CALN1: variants seen among roughly 807,000 people sequenced by gnomAD.
CALN1 encodes the protein calcium-binding protein 8.
Under a neutral mutation model 30.6 loss-of-function variants are expected in CALN1, and 17 were observed. The observed-to-expected ratio is 0.56, with a 90% CI of 0.38 to 0.83. The LOEUF (loss-of-function observed/expected upper bound fraction) is 0.83. Ranked by LOEUF, CALN1 falls within the 40% of genes least tolerant of loss-of-function variation. The pLI is 0.00. For missense variants in CALN1, 291 were observed against 354.9 expected (o/e 0.82, Z 1.45); for synonymous variants, 156 against 131.4 (o/e 1.19, Z -1.28).
chr7:72,227,500 A>G (rs2129550347), intron 3 of CALN1, among the ~76,000 whole-genome samples: 1 of 151,638 alleles, frequency 6.6e-6, no homozygotes, highest in Non-Finnish European at 1.5e-5. Context: ...AGATGGCACC[A>G]CCGCACTCCA....
intron 5 of CALN1, among the ~76,000 whole-genome samples, chr7:71,870,274 T>C (rs1791844890): frequency 6.6e-6 from 1 of 151,794 alleles, no homozygotes; most frequent in Admixed American, 6.6e-5. Flanking sequence ...TCTCAGCTAC[T>C]AGGGAGGCTG....
At chr7:72,374,890 AC>A (rs568811539) in intron 2 of CALN1, among the ~76,000 whole-genome samples, 235 of 152,348 alleles carry the variant, frequency 1.5e-3, no homozygotes, top group Middle Eastern at 3.4e-3. Context: ...TTACCTGAAT[AC>A]TACTGGGATC....
At chr7:71,852,813 G>A (rs1303448669) in intron 5 of CALN1, among the ~76,000 whole-genome samples, 1 of 152,062 alleles carries the variant, frequency 6.6e-6, no homozygotes, top group East Asian at 1.9e-4. Context: ...GACAAATGAT[G>A]TTGTACGTCT....
chr7:71,980,750 G>A (rs1394983583), intron 5 of CALN1, among the ~76,000 whole-genome samples: 1 of 152,120 alleles, frequency 6.6e-6, no homozygotes, highest in Non-Finnish European at 1.5e-5. Context: ...ATGTAATGCA[G>A]AAAATTGCCC....
chr7:72,316,324 A>G (rs1216416919), intron 2 of CALN1, among the ~76,000 whole-genome samples: 1 of 151,658 alleles, frequency 6.6e-6, no homozygotes, highest in East Asian at 1.9e-4. Context: ...TGCAAAAGTA[A>G]TTACGGTTTT....
intron 3 of CALN1, among the ~76,000 whole-genome samples, chr7:72,142,070 G>C (rs551247766): frequency 6.6e-6 from 1 of 152,312 alleles, no homozygotes; most frequent in African/African-American, 2.4e-5. Context: ...GGTGATTTCT[G>C]CATTTCCAAC....
At chr7:71,819,816 CAT>C (rs1788491061) in intron 5 of CALN1, among the ~76,000 whole-genome samples, 1 of 152,126 alleles carries the variant, frequency 6.6e-6, no homozygotes, top group African/African-American at 2.4e-5. Flanking sequence ...CATGTTGTGT[CAT>C]GTGTCAGAAT....
At chr7:71,959,709 C>T (rs1216028464) in intron 5 of CALN1, among the ~76,000 whole-genome samples, 2 of 151,906 alleles carry the variant, frequency 1.3e-5, no homozygotes, top group Non-Finnish European at 2.9e-5. Context: ...GTCCCAACTC[C>T]ATCAGCACAA....
At chr7:72,143,830 TAAAGA>T (rs1240887545) in intron 3 of CALN1, among the ~76,000 whole-genome samples, 2 of 152,140 alleles carry the variant, frequency 1.3e-5, no homozygotes, top group African/African-American at 4.8e-5. Context: ...TCAACATTCT[TAAAGA>T]AAAGAATTTT....
chr7:71,980,458 G>A (rs186715783), intron 5 of CALN1, among the ~76,000 whole-genome samples: 154 of 152,130 alleles, frequency 1.0e-3, no homozygotes, highest in Middle Eastern at 6.8e-3. Flanking sequence ...CACAAGTGCT[G>A]GGATTACAGG....
At chr7:72,170,241 G>C (rs1484728071) in intron 3 of CALN1, among the ~76,000 whole-genome samples, 1 of 152,124 alleles carries the variant, frequency 6.6e-6, no homozygotes, top group African/African-American at 2.4e-5. Context: ...AACCCTTCAA[G>C]TGGCTGGGAC....
At chr7:72,223,309 A>C (rs1300368887) in intron 3 of CALN1, among the ~76,000 whole-genome samples, 2 of 152,152 alleles carry the variant, frequency 1.3e-5, no homozygotes, top group Admixed American at 6.6e-5. Flanking sequence ...TGAAGGAATG[A>C]CTTCCAAGTC....
rs10711051 is a variant in CALN1 at position 72,097,647 on chromosome 7, C to CAA, written c.388+8502_388+8503dup. 5.4e-5 allele frequency among the ~76,000 whole-genome samples: 7 copies of CAA among 130,262 alleles called. No individual in the cohort carries two copies. In the East Asian group the frequency reaches 8.8e-4, roughly 16 times the overall value. The allele number at this position is 130,262 out of a possible 152,430, so 85.5% of individuals were successfully genotyped here. ...CAAAGTGAGACCCCCTATGTCTACC[C>CAA]AAAAAAAAAAAAAAAAATTAAACAG... is the stretch of plus-strand genomic sequence containing the variant. On this transcript the variant is annotated intron_variant, in intron 4 of 6. Coordinates refer to ENST00000395275, the MANE Select transcript of CALN1 (RefSeq NM_031468.4).
At chr7:72,435,587 A>G (rs1008302738) in intron 1 of CALN1, among the ~76,000 whole-genome samples, 11 of 152,194 alleles carry the variant, frequency 7.2e-5, no homozygotes, top group Non-Finnish European at 1.2e-4. Flanking sequence ...GGCAGCAGCC[A>G]GCGCGGAGAG....
chr7:71,864,256 T>G (rs1791464331), intron 5 of CALN1, among the ~76,000 whole-genome samples: 1 of 152,208 alleles, frequency 6.6e-6, no homozygotes, highest in African/African-American at 2.4e-5. Context: ...CATGATTAGC[T>G]TAAAAATCAG....
chr7:71,952,384 G>A (rs1206813502), intron 5 of CALN1, among the ~76,000 whole-genome samples: 1 of 152,106 alleles, frequency 6.6e-6, no homozygotes, highest in African/African-American at 2.4e-5. Context: ...GTATTAATAT[G>A]ATAATAACTC....
In CALN1 at chr7:72,176,257, T is replaced by C. The variant is rs1251169249; in HGVS notation, c.245-69963A>G. On this transcript the variant is annotated intron_variant, in intron 3 of 6. Transcript: ENST00000395275. ...TAATTCTTACAGGCAGACCAGGGCT[T>C]TGGAAGAACTTTGTGGGAAAGGTAA... Among the ~76,000 whole-genome samples, 2 of 152,206 alleles carry C rather than the reference T, an allele frequency of 1.3e-5. 1 individual carries two copies. The highest frequency in any genetic ancestry group is 2.9e-5 in the Non-Finnish European group (2 of 68,042).
intron 6 of CALN1, among the ~76,000 whole-genome samples, chr7:71,788,477 GGTTTTTTTTTGTT>G (rs1584209171): frequency 6.9e-6 from 1 of 144,948 alleles, no homozygotes; most frequent in East Asian, 2.3e-4. Context: ...ATTACTAAGA[GGTTTTTTTTTGTT>G]GTTTTTTTTT....
intron 2 of CALN1, among the ~76,000 whole-genome samples, chr7:72,358,321 A>G (rs1803361207): frequency 6.6e-6 from 1 of 151,950 alleles, no homozygotes; most frequent in Admixed American, 6.5e-5. Context: ...TTTCACGTGG[A>G]GTGATATCCA....
Sources: allele counts gnomAD v4.1 joint callset (sites outside exome capture counted in the v4.1 genomes callset), GRCh38; gene constraint gnomAD v4.1.1; transcripts MANE v1.5; gene names NCBI Gene and HGNC (gene_info 2026-07-23, HGNC 2026-07-21).